PRPSAP2: variants seen among roughly 807,000 people sequenced by gnomAD.
PRPSAP2 encodes phosphoribosyl pyrophosphate synthase-associated protein 2.
Under a neutral mutation model 40.6 loss-of-function variants are expected in PRPSAP2, and 24 were observed. That is an observed-to-expected ratio of 0.59 (90% CI 0.43 to 0.83). PRPSAP2 has a LOEUF of 0.83. PRPSAP2 is among the 40% of genes least tolerant of loss of function. PRPSAP2 has a pLI of 0.00. For synonymous variants in PRPSAP2, 149 were observed against 164.7 expected (o/e 0.90, Z 0.73); for missense variants, 292 against 465.6 (o/e 0.63, Z 3.43).
At chr17:18,901,120 C>T (rs773373044) in intron 8 of PRPSAP2, among the ~76,000 whole-genome samples, 5 of 152,132 alleles carry the variant, frequency 3.3e-5, no homozygotes, top group Non-Finnish European at 5.9e-5. Context: ...GGCTTTCCTG[C>T]CTGTGTGGCT....
rs138392860 is a variant in PRPSAP2, at chr17:18,916,989, C to A, written c.733+5738C>A. On this transcript the variant is annotated intron_variant, in intron 9 of 11. Coordinates refer to ENST00000268835, the MANE Select transcript of PRPSAP2 (RefSeq NM_002767.4). ...AGAGGACACCATCTTCAGACCACAG[C>A]ACTCTCTTTGTCTATGCAAAGACCA... is the stretch of plus-strand genomic sequence containing the variant. Among the ~76,000 whole-genome samples, 148 of 152,296 alleles carry A rather than the reference C, an allele frequency of 9.7e-4. 1 individual carries two copies. Among genetic ancestry groups the A allele is most frequent in the African/African-American group, 3.5e-3 (145 of 41,554 alleles).
At chr17:18,890,104 C>T (rs72836711) in intron 8 of PRPSAP2, among the ~76,000 whole-genome samples, 9,767 of 151,494 alleles carry the variant, frequency 0.064, 441 homozygotes, top group Non-Finnish European at 0.094. Flanking sequence ...AGACATACTT[C>T]CTTTTTTAAG....
intron 9 of PRPSAP2, among the ~76,000 whole-genome samples, chr17:18,920,775 T>C (rs986489674): frequency 4.6e-5 from 7 of 152,292 alleles, no homozygotes; most frequent in Middle Eastern, 3.4e-3. Context: ...TTTGAAAATA[T>C]TATCCATAAA....
intron 8 of PRPSAP2, among the ~76,000 whole-genome samples, chr17:18,892,483 C>T (rs981134467): frequency 6.6e-6 from 1 of 152,008 alleles, no homozygotes; most frequent in Non-Finnish European, 1.5e-5. Context: ...ACATCTTCAC[C>T]AACACTTAAT....
chr17:18,925,306 C>G (rs2041913125), intron 10 of PRPSAP2, among the ~76,000 whole-genome samples: 1 of 152,200 alleles, frequency 6.6e-6, no homozygotes, highest in African/African-American at 2.4e-5. Context: ...ACCTAGAGGC[C>G]TCCTCTGGGC....
chr17:18,862,124 G>C (rs1167319097), intron 1 of PRPSAP2, among the ~76,000 whole-genome samples: 3 of 152,166 alleles, frequency 2.0e-5, no homozygotes, highest in African/African-American at 7.2e-5. Flanking sequence ...CTGACCTCAG[G>C]TAATCCGCCT....
chr17:18,900,902 G>A (rs1211866964), intron 8 of PRPSAP2, among the ~76,000 whole-genome samples: 1 of 152,094 alleles, frequency 6.6e-6, no homozygotes, highest in Non-Finnish European at 1.5e-5. Context: ...TGAGTTGGGG[G>A]TAGAAGTCCA....
chr17:18,908,585 T>A, intron 8 of PRPSAP2: 1 of 730,104 alleles, frequency 1.4e-6, no homozygotes, highest in Non-Finnish European at 2.5e-6. Context: ...TTCACGCTGA[T>A]AATGGAGCTG....
chr17:18,860,321 G>A (rs2036912717), intron 1 of PRPSAP2, among the ~76,000 whole-genome samples: 2 of 152,232 alleles, frequency 1.3e-5, no homozygotes, highest in Admixed American at 1.3e-4. Context: ...CTCCCAAAGT[G>A]CTGGGATTAC....
At chr17:18,876,803 T>C (rs183058080) in intron 5 of PRPSAP2, among the ~76,000 whole-genome samples, 53 of 152,168 alleles carry the variant, frequency 3.5e-4, no homozygotes, top group Middle Eastern at 3.4e-3. Flanking sequence ...GTCAGGTGAC[T>C]AGGTGGGGAG....
At chr17:18,914,423 ATTT>A (rs35469900) in intron 9 of PRPSAP2, among the ~76,000 whole-genome samples, 1 of 135,036 alleles carries the variant, frequency 7.4e-6, no homozygotes. Flanking sequence ...GGCCTGGCTA[ATTT>A]TTTTTTTTTT....
chr17:18,874,996 G>A (rs1196394845), intron 5 of PRPSAP2, among the ~76,000 whole-genome samples: 1 of 152,126 alleles, frequency 6.6e-6, no homozygotes, highest in African/African-American at 2.4e-5. Flanking sequence ...TAGAATTTAG[G>A]ACTTCAGAAG....
At chr17:18,890,234 A>G (rs1170132563) in intron 8 of PRPSAP2, among the ~76,000 whole-genome samples, 1 of 151,886 alleles carries the variant, frequency 6.6e-6, no homozygotes, top group Admixed American at 6.6e-5. Flanking sequence ...CAGTGGCGCG[A>G]TCTCGGCTCA....
intron 7 of PRPSAP2, among the ~76,000 whole-genome samples, chr17:18,883,575 G>T (rs1048572765): frequency 6.6e-6 from 1 of 151,910 alleles, no homozygotes; most frequent in African/African-American, 2.4e-5. Flanking sequence ...CTTTAGTAGA[G>T]ATGGGGTTTC....
chr17:18,862,132 C>A (rs1257092219), intron 1 of PRPSAP2, among the ~76,000 whole-genome samples: 6 of 152,188 alleles, frequency 3.9e-5, no homozygotes, highest in Non-Finnish European at 8.8e-5. Flanking sequence ...AGGTAATCCG[C>A]CTGCCTCGCT....
At chr17:18,925,932 T>C (rs2469841) in intron 10 of PRPSAP2, among the ~76,000 whole-genome samples, 125,925 of 151,916 alleles carry the variant, frequency 0.83, 52,593 homozygotes, top group Middle Eastern at 0.93. Flanking sequence ...GGTGAAACCT[T>C]GTCTCTACTA....
chr17:18,928,781 A>G (rs1332993469), intron 10 of PRPSAP2, 30 bp from the exon 11 acceptor site: 2 of 1,612,030 alleles, frequency 1.2e-6, no homozygotes, highest in Non-Finnish European at 1.7e-6. Flanking sequence ...AAGTGCTCAT[A>G]TACATTCTTT....
At chr17:18,877,898 A>T in intron 6 of PRPSAP2, 28 bp downstream of exon 6, 1 of 1,560,166 alleles carries the variant, frequency 6.4e-7, no homozygotes, top group African/African-American at 1.4e-5. Flanking sequence ...TTCACAATTA[A>T]TTGGGGGCCT....
intron 9 of PRPSAP2, among the ~76,000 whole-genome samples, chr17:18,914,866 A>G (rs112325271): frequency 0.012 from 1,789 of 151,978 alleles, 36 homozygotes; most frequent in African/African-American, 0.041. Flanking sequence ...CTAGCACTAC[A>G]GGTGCACACC....
Sources: allele counts gnomAD v4.1 joint callset (sites outside exome capture counted in the v4.1 genomes callset), GRCh38; gene constraint gnomAD v4.1.1; transcripts MANE v1.5; gene names NCBI Gene and HGNC (gene_info 2026-07-23, HGNC 2026-07-21).